HIRA: variants seen among roughly 807,000 people sequenced by gnomAD.
HIRA encodes the protein histone cell cycle regulator.
HIRA carries 13 observed loss-of-function variants against 126.6 expected under a neutral mutation model. The ratio of observed to expected loss-of-function variants is 0.10; its 90% CI spans 0.07 to 0.16. The LOEUF is 0.16. Among genes scored for constraint, HIRA ranks in the 10% least tolerant of loss-of-function variants. HIRA has a pLI of 1.00. For missense variants in HIRA, 834 were observed against 1,314.4 expected (o/e 0.63, Z 5.65); for synonymous variants, 511 against 520.0 (o/e 0.98, Z 0.24).
intron 24 of HIRA, among the ~76,000 whole-genome samples, chr22:19,349,669 G>A (rs568010737): frequency 6.6e-6 from 1 of 152,212 alleles, no homozygotes; most frequent in Non-Finnish European, 1.5e-5. Context: ...GGGACTTAAG[G>A]GGATTTGACT....
intron 18 of HIRA, 63 bp from the exon 19 acceptor site, chr22:19,357,114 C>T: frequency 6.3e-7 from 1 of 1,582,034 alleles, no homozygotes; most frequent in Non-Finnish European, 8.6e-7. Flanking sequence ...GACAGTAGCC[C>T]TGGAAGTGTG....
At chr22:19,375,332 TC>T (rs1019287203) in intron 15 of HIRA, among the ~76,000 whole-genome samples, 25 of 152,188 alleles carry the variant, frequency 1.6e-4, no homozygotes, top group African/African-American at 5.5e-4. Flanking sequence ...CTGGGCTCCA[TC>T]CAAACACCAT....
chr22:19,415,878 A>T (rs906191533), intron 1 of HIRA, among the ~76,000 whole-genome samples: 4 of 147,520 alleles, frequency 2.7e-5, no homozygotes, highest in Admixed American at 2.0e-4. Context: ...CTGCAGAAAT[A>T]AAAAAAAAAA....
intron 9 of HIRA, among the ~76,000 whole-genome samples, chr22:19,390,420 C>T (rs1439454184): frequency 6.6e-6 from 1 of 151,576 alleles, no homozygotes. Context: ...TGGTGAAACC[C>T]CATCTTTACT....
chr22:19,361,717 C>A lies in HIRA; in HGVS notation c.1980+10G>T. Reference sequence around the variant, plus strand: ...GGCTAAAGAAGGCAGGATGGGCCCACTGGCCTCACCTGGACAGACAGAGAC... The same window carrying A: ...GGCTAAAGAAGGCAGGATGGGCCCAATGGCCTCACCTGGACAGACAGAGAC... On this transcript the variant is annotated intron_variant, in intron 16 of 24. Transcript: ENST00000263208. 10 of 1,612,026 alleles carry A rather than the reference C, an allele frequency of 6.2e-6. No individual in the cohort carries two copies. The highest frequency in any genetic ancestry group is 7.6e-6 in the Non-Finnish European group (9 of 1,179,728).
At position 19,394,611 on chromosome 22, in the gene HIRA, G is replaced by A. The variant is rs2089207907; in HGVS notation, c.655-102C>T. On this transcript the variant is annotated intron_variant, in intron 7 of 24. Transcript: ENST00000263208. ...AAACTTCAATTTATAAATGTGTGATGGTGGAGCATGCACCCCAAGCTTCTG... is the reference window on the plus strand; with the variant it reads ...AAACTTCAATTTATAAATGTGTGATAGTGGAGCATGCACCCCAAGCTTCTG... 5 of 1,178,942 alleles carry A rather than the reference G, an allele frequency of 4.2e-6. No individual in the cohort carries two copies. The Admixed American group carries it at 1.1e-4, about 25-fold the overall frequency. 73.0% of individuals were successfully genotyped at this position (1,178,942 alleles called of 1,614,324 possible).
At chr22:19,391,201 G>A (rs1003721902) in intron 9 of HIRA, among the ~76,000 whole-genome samples, 2 of 152,096 alleles carry the variant, frequency 1.3e-5, no homozygotes, top group Admixed American at 1.3e-4. Flanking sequence ...CAACATACAC[G>A]AATCTCAAAA....
intron 10 of HIRA, 126 bp downstream of exon 10, chr22:19,388,358 T>G: frequency 1.5e-6 from 1 of 679,844 alleles, no homozygotes; most frequent in African/African-American, 1.8e-5. Flanking sequence ...ACTCTTGGTC[T>G]GCGCTACTAT....
At chr22:19,358,039 G>A (rs1444514601) in intron 18 of HIRA, among the ~76,000 whole-genome samples, 2 of 152,078 alleles carry the variant, frequency 1.3e-5, no homozygotes, top group African/African-American at 2.4e-5. Flanking sequence ...TCGGTCTGTC[G>A]CCCAGGCTGG....
In HIRA at chr22:19,410,700, TATTCCATAAAC is replaced by T. The variant is rs751244046; in HGVS notation, c.100+5_100+15del. On this transcript the variant is annotated splice_donor_5th_base_variant and intron_variant, in intron 2 of 24. Coordinates refer to ENST00000263208, the MANE Select transcript of HIRA (RefSeq NM_003325.4). Reference sequence around the variant, plus strand: ...AGGGCTGTTAAGCTTTCCCTTTCTTTATTCCATAAACATACCTTGTCCTCCAGTTGCGAACT... The same window carrying T: ...AGGGCTGTTAAGCTTTCCCTTTCTTTATACCTTGTCCTCCAGTTGCGAACT... 3 of 1,604,356 alleles carry T rather than the reference TATTCCATAAAC, an allele frequency of 1.9e-6. No homozygotes were observed. The highest frequency in any genetic ancestry group is 2.6e-6 in the Non-Finnish European group (3 of 1,171,542).
chr22:19,372,717 G>A (rs565595675), intron 15 of HIRA, among the ~76,000 whole-genome samples: 155 of 151,980 alleles, frequency 1.0e-3, no homozygotes, highest in South Asian at 4.0e-3. Flanking sequence ...GATTATAGGC[G>A]CCTGCCACCA....
chr22:19,410,802 C>T (rs764688486), intron 1 of HIRA, 24 bp from the exon 2 acceptor site: 4 of 1,598,612 alleles, frequency 2.5e-6, no homozygotes, highest in Admixed American at 1.7e-5. Flanking sequence ...AAAAAAAATA[C>T]AGTATCTAAA....
chr22:19,355,798 A>G lies in HIRA; in HGVS notation c.2523T>C (p.Asp841=). 3.7e-6 allele frequency: 6 copies of G among 1,614,096 alleles called. No individual in the cohort carries two copies. Among genetic ancestry groups the G allele is most frequent in the Non-Finnish European group, 5.1e-6 (6 of 1,179,966 alleles). Residue 841 remains aspartate (D), a synonymous_variant, in exon 21 of 25, where the codon GAT becomes GAC. Coordinates refer to ENST00000263208, the MANE Select transcript of HIRA (RefSeq NM_003325.4). ...ACGGATTAAAGCAGTACGCCTTCCC[A>G]TCGGACAGGTTCATTACTGGGATTC... ...QHGIPVMNLS[D]GKAYCFNPSL... is the part of the protein sequence containing the mutation.
intron 1 of HIRA, among the ~76,000 whole-genome samples, chr22:19,413,186 A>G (rs997378415): frequency 6.6e-6 from 1 of 152,132 alleles, no homozygotes; most frequent in African/African-American, 2.4e-5. Context: ...CATTTCTCTA[A>G]AGGTACTTTC....
chr22:19,406,641 C>T (rs1383896175), intron 4 of HIRA, among the ~76,000 whole-genome samples: 1 of 152,200 alleles, frequency 6.6e-6, no homozygotes, highest in Non-Finnish European at 1.5e-5. Context: ...AAGCCACAGC[C>T]ACAGGGCCAC....
chr22:19,389,494 G>A (rs2089157821), intron 9 of HIRA, among the ~76,000 whole-genome samples: 1 of 152,174 alleles, frequency 6.6e-6, no homozygotes, highest in Admixed American at 6.5e-5. Flanking sequence ...GCGTCCCAGT[G>A]CAGCCTGAGA....
At position 19,351,648 on chromosome 22, in the gene HIRA, T is replaced by C. The variant is rs1344784973; in HGVS notation, c.2849-202A>G. ...GCACTGAGACCCATAATCACAGATT[T>C]TCACTCACTTGCTCACTCCCCTGAC... is the stretch of plus-strand genomic sequence containing the variant. On this transcript the variant is annotated intron_variant, in intron 23 of 24. Coordinates refer to ENST00000263208, the MANE Select transcript of HIRA (RefSeq NM_003325.4). The surrounding 1 kb of genome is among the most constrained non-coding windows in gnomAD (Gnocchi z 4.8). Among the ~76,000 whole-genome samples the C allele has an allele frequency of 1.3e-5, 2 of 152,214 alleles. No individual in the cohort carries two copies. The highest frequency in any genetic ancestry group is 2.9e-5 in the Non-Finnish European group (2 of 68,032).
At chr22:19,363,526 A>G (rs115481380) in intron 15 of HIRA, among the ~76,000 whole-genome samples, 13 of 152,336 alleles carry the variant, frequency 8.5e-5, no homozygotes, top group African/African-American at 2.4e-4. Context: ...AAAACCATGG[A>G]GACAATAAAA....
At position 19,407,755 on chromosome 22, in the gene HIRA, T is replaced by C. The variant is rs191375260; in HGVS notation, c.212-481A>G. 2.0e-5 allele frequency among the ~76,000 whole-genome samples: 3 copies of C among 152,290 alleles called. No individual in the cohort carries two copies. The East Asian group carries it at 5.8e-4, about 29-fold the overall frequency. The stretch of plus-strand genomic sequence containing the variant: ...TCTGTCAGAGCCAGCCCTGTCACAT[T>C]CGGATTTTCCAAACTCGCCAGCACT... On this transcript the variant is annotated intron_variant, in intron 3 of 24. Transcript: ENST00000263208.
Sources: gnomAD v4.1 joint callset for allele counts (sites outside exome capture counted in the v4.1 genomes callset) on GRCh38, gnomAD v4.1.1 for gene constraint, Gnocchi (gnomAD v3.1) non-coding constraint, MANE v1.5 for transcripts, NCBI Gene and HGNC (gene_info 2026-07-23, HGNC 2026-07-21) for gene names.